Variants in SEMA3A observed in about 807,000 individuals in gnomAD.
SEMA3A encodes the protein semaphorin 3A.
In SEMA3A, 29 loss-of-function variants were observed where a neutral mutation model predicts 97.9. That is an observed-to-expected ratio of 0.30 (90% CI 0.22 to 0.40). The LOEUF (loss-of-function observed/expected upper bound fraction) is 0.40. Ranked by LOEUF, SEMA3A falls within the 10% of genes least tolerant of loss-of-function variation. The pLI is 1.00. For missense variants in SEMA3A, 763 were observed against 951.3 expected, an observed-to-expected ratio of 0.80 and a Z score of 2.60; for synonymous variants, 321 against 323.7, an observed-to-expected ratio of 0.99 and a Z score of 0.09.
intron 4 of SEMA3A, among the ~76,000 whole-genome samples, chr7:84,098,392 T>C (rs960369528): frequency 1.3e-5 from 2 of 152,112 alleles, no homozygotes; most frequent in South Asian, 2.1e-4. Flanking sequence ...ACTGCTCTTC[T>C]TCTTGTCCAG....
chr7:84,275,900 A>C (rs756047124), intron 3 of SEMA3A, among the ~76,000 whole-genome samples: 1 of 152,080 alleles, frequency 6.6e-6, no homozygotes, highest in Non-Finnish European at 1.5e-5. Context: ...TGGCATATAG[A>C]TACATTAATT....
chr7:84,026,212 T>G (rs1232112295), intron 6 of SEMA3A, among the ~76,000 whole-genome samples: 4 of 152,168 alleles, frequency 2.6e-5, no homozygotes, highest in African/African-American at 9.7e-5. Flanking sequence ...TGGAGTGCCC[T>G]CAACTCTGTA....
chr7:84,308,742 G>C (rs548084789), intron 2 of SEMA3A, among the ~76,000 whole-genome samples: 2 of 152,044 alleles, frequency 1.3e-5, no homozygotes, highest in Non-Finnish European at 2.9e-5. Context: ...ATCAGGAAGC[G>C]GCACTGAGGA....
chr7:84,490,666 A>G (rs1313131863), intron 1 of SEMA3A, among the ~76,000 whole-genome samples: 2 of 152,194 alleles, frequency 1.3e-5, no homozygotes, highest in African/African-American at 2.4e-5. Context: ...AAAATGTGCA[A>G]TATAATACTA....
chr7:84,038,229 A>T (rs1562989093), intron 6 of SEMA3A, among the ~76,000 whole-genome samples: 1 of 152,108 alleles, frequency 6.6e-6, no homozygotes, highest in Non-Finnish European at 1.5e-5. Flanking sequence ...GACATAGATC[A>T]CTATCACTTC....
intron 3 of SEMA3A, among the ~76,000 whole-genome samples, chr7:84,272,743 C>T (rs964827569): frequency 1.3e-5 from 2 of 152,128 alleles, no homozygotes; most frequent in African/African-American, 4.8e-5. Context: ...ACGCCATTAT[C>T]TCTGAGCATC....
Position 84,024,056 on chromosome 7 carries a change from A to G in SEMA3A, c.668-9705T>C, listed in dbSNP as rs115499184. ...TTAGTTCACAGAAATATACATACAC[A>G]TTCTTTTCTTCACACTTTAAAGGAG... On this transcript the variant is annotated intron_variant, in intron 6 of 16. Transcript: ENST00000265362. Among the ~76,000 whole-genome samples the G allele has an allele frequency of 3.7e-3, 568 of 151,964 alleles. 3 individuals carry two copies. Among genetic ancestry groups the G allele is most frequent in the African/African-American group, 0.013 (538 of 41,474 alleles).
At chr7:84,094,633 T>C (rs1474246662) in intron 4 of SEMA3A, among the ~76,000 whole-genome samples, 1 of 152,072 alleles carries the variant, frequency 6.6e-6, no homozygotes, top group Non-Finnish European at 1.5e-5. Context: ...TGTTACGTGA[T>C]AGTGGAATCT....
intron 1 of SEMA3A, among the ~76,000 whole-genome samples, chr7:84,460,809 A>C (rs1319698399): frequency 6.6e-6 from 1 of 152,196 alleles, no homozygotes; most frequent in Non-Finnish European, 1.5e-5. Flanking sequence ...TCAAAAAGCA[A>C]GTCGAAGGAG....
chr7:84,323,986 A>C (rs1336893681), intron 2 of SEMA3A, among the ~76,000 whole-genome samples: 3 of 152,180 alleles, frequency 2.0e-5, no homozygotes, highest in Non-Finnish European at 4.4e-5. Flanking sequence ...AATGTGGTTT[A>C]CAATAAAGTG....
rs571829002 is a variant in SEMA3A, at chr7:84,274,852, A to G, written c.-83+32355T>C. Among the ~76,000 whole-genome samples, 3 of 152,196 alleles carry G rather than the reference A, an allele frequency of 2.0e-5. No individual in the cohort carries two copies. The East Asian group carries it at 5.8e-4, about 29-fold the overall frequency. On this transcript the variant is annotated intron_variant, in intron 3 of 3. Transcript: ENST00000424555. ...GGCAAACCTGGACATAAAAGTGCCTAGCACAGATTAAATTTAAAATATTAA... is the reference window on the plus strand; with the variant it reads ...GGCAAACCTGGACATAAAAGTGCCTGGCACAGATTAAATTTAAAATATTAA...
intron 1 of SEMA3A, among the ~76,000 whole-genome samples, chr7:84,455,341 A>G (rs909491958): frequency 1.3e-5 from 2 of 151,984 alleles, no homozygotes; most frequent in Non-Finnish European, 2.9e-5. Context: ...TATGACTTCA[A>G]TGTTTATTTT....
At chr7:84,375,134 C>A (rs1384338735) in intron 1 of SEMA3A, among the ~76,000 whole-genome samples, 1 of 152,264 alleles carries the variant, frequency 6.6e-6, no homozygotes, top group East Asian at 1.9e-4. Flanking sequence ...ATTCTCCTGC[C>A]TCAGCCTCCT....
chr7:84,267,657 G>A (rs939185574), intron 3 of SEMA3A, among the ~76,000 whole-genome samples: 1 of 152,036 alleles, frequency 6.6e-6, no homozygotes, highest in Non-Finnish European at 1.5e-5. Flanking sequence ...TTTTGTGGCT[G>A]TGTGTGCAAA....
intron 1 of SEMA3A, among the ~76,000 whole-genome samples, chr7:84,150,186 A>G (rs1796586234): frequency 6.6e-6 from 1 of 152,234 alleles, no homozygotes; most frequent in Non-Finnish European, 1.5e-5. Flanking sequence ...ATAAATTGTT[A>G]CGAAAATAAT....
At chr7:83,966,129 T>G (rs1309103306) in intron 15 of SEMA3A, among the ~76,000 whole-genome samples, 1 of 152,124 alleles carries the variant, frequency 6.6e-6, no homozygotes, top group Non-Finnish European at 1.5e-5. Context: ...GGACATCCTC[T>G]GGTGGTGGCA....
chr7:84,046,269 T>G, intron 6 of SEMA3A, 55 bp downstream of exon 6: 1 of 1,587,898 alleles, frequency 6.3e-7, no homozygotes, highest in South Asian at 1.1e-5. Context: ...AGTTCTCTAG[T>G]AACTTAATAC....
intron 12 of SEMA3A, among the ~76,000 whole-genome samples, chr7:83,995,616 G>A (rs922760409): frequency 6.6e-6 from 1 of 152,196 alleles, no homozygotes; most frequent in African/African-American, 2.4e-5. Flanking sequence ...ATAGCAGGTA[G>A]TGAATATGAC....
chr7:84,392,797 T>C (rs752415577), intron 1 of SEMA3A, among the ~76,000 whole-genome samples: 1 of 152,206 alleles, frequency 6.6e-6, no homozygotes, highest in Non-Finnish European at 1.5e-5. Context: ...TGATTAGGTA[T>C]GTCAAACAAC....
Sources: allele counts gnomAD v4.1 joint callset (sites outside exome capture counted in the v4.1 genomes callset), GRCh38; gene constraint gnomAD v4.1.1; transcripts MANE v1.5; gene names NCBI Gene and HGNC (gene_info 2026-07-23, HGNC 2026-07-21).